Variants in ROBO2 observed in about 807,000 individuals in gnomAD.
ROBO2 encodes the protein roundabout guidance receptor 2.
ROBO2 carries 53 observed loss-of-function variants against 160.8 expected under a neutral mutation model. That is an observed-to-expected ratio of 0.33 (90% CI 0.26 to 0.41). ROBO2 has a LOEUF of 0.41. Ranked by LOEUF, ROBO2 falls within the 10% of genes least tolerant of loss-of-function variation. The pLI is 1.00. For missense variants in ROBO2, 1,577 were observed against 1,722.4 expected (o/e 0.92, Z 1.49); for synonymous variants, 664 against 611.7 (o/e 1.09, Z -1.26).
intron 2 of ROBO2, among the ~76,000 whole-genome samples, chr3:77,296,526 G>C (rs367983856): frequency 1.3e-5 from 2 of 152,076 alleles, no homozygotes; most frequent in East Asian, 3.9e-4. Flanking sequence ...TTTTGCTTCT[G>C]TTCTCTTTTT....
At chr3:76,304,912 G>C (rs533413898) in intron 2 of ROBO2, among the ~76,000 whole-genome samples, 2 of 151,536 alleles carry the variant, frequency 1.3e-5, no homozygotes, top group East Asian at 2.0e-4. Flanking sequence ...GCACTCAAGC[G>C]GGGTAAATCC....
At chr3:76,033,719 G>T (rs1288410906) in intron 2 of ROBO2, among the ~76,000 whole-genome samples, 1 of 152,166 alleles carries the variant, frequency 6.6e-6, no homozygotes, top group Non-Finnish European at 1.5e-5. Flanking sequence ...TGATTGAATG[G>T]TTTTGGCTGG....
At chr3:76,917,466 A>C (rs189209245) in intron 2 of ROBO2, among the ~76,000 whole-genome samples, 2 of 152,338 alleles carry the variant, frequency 1.3e-5, no homozygotes, top group Admixed American at 1.3e-4. Flanking sequence ...TAGGAAACCC[A>C]AGAAAACTAT....
intron 2 of ROBO2, among the ~76,000 whole-genome samples, chr3:77,129,760 G>A (rs929247963): frequency 1.3e-5 from 2 of 152,106 alleles, no homozygotes; most frequent in South Asian, 4.1e-4. Context: ...CTTCCCAGTT[G>A]TAATGGTTTT....
chr3:76,849,784 A>G (rs1577030062), intron 2 of ROBO2, among the ~76,000 whole-genome samples: 1 of 152,238 alleles, frequency 6.6e-6, no homozygotes, highest in East Asian at 1.9e-4. Context: ...GCAGTATAAT[A>G]CAAAAATATT....
chr3:77,298,781 G>T (rs17015147), intron 2 of ROBO2, among the ~76,000 whole-genome samples: 3 of 152,220 alleles, frequency 2.0e-5, no homozygotes, highest in African/African-American at 7.2e-5. Flanking sequence ...TGTGCCTCCT[G>T]TGTGCATGGG....
At chr3:76,649,123 C>T (rs1039133316) in intron 2 of ROBO2, among the ~76,000 whole-genome samples, 6 of 151,988 alleles carry the variant, frequency 3.9e-5, no homozygotes, top group African/African-American at 1.4e-4. Context: ...TTTTTTTAAT[C>T]AGAAAATAAC....
intron 2 of ROBO2, among the ~76,000 whole-genome samples, chr3:77,151,517 A>G (rs1327827349): frequency 6.6e-6 from 1 of 152,024 alleles, no homozygotes; most frequent in East Asian, 1.9e-4. Flanking sequence ...TGCTTTGTGA[A>G]TCTTCTCTTT....
chr3:77,050,476 TTC>T (rs2065106523), intron 1 of ROBO2, among the ~76,000 whole-genome samples: 1 of 152,084 alleles, frequency 6.6e-6, no homozygotes, highest in African/African-American at 2.4e-5. Flanking sequence ...AAAATGCCAT[TTC>T]TGTTTCTTTA....
chr3:77,222,538 T>G (rs2085962338), intron 2 of ROBO2, among the ~76,000 whole-genome samples: 1 of 152,168 alleles, frequency 6.6e-6, no homozygotes, highest in African/African-American at 2.4e-5. Flanking sequence ...TAAGAGTGAA[T>G]TGGTTTGCAA....
At chr3:77,467,992 C>T (rs1213757299) in intron 2 of ROBO2, among the ~76,000 whole-genome samples, 1 of 152,162 alleles carries the variant, frequency 6.6e-6, no homozygotes, top group African/African-American at 2.4e-5. Flanking sequence ...TTAATACTAG[C>T]ATTTCTAGAA....
chr3:76,457,993 G>T (rs892276720), intron 2 of ROBO2, among the ~76,000 whole-genome samples: 1 of 152,124 alleles, frequency 6.6e-6, no homozygotes, highest in Non-Finnish European at 1.5e-5. Flanking sequence ...CTCCGGGCCT[G>T]TGATGGGAGG....
At chr3:76,960,262 G>A (rs1372304624) in intron 2 of ROBO2, among the ~76,000 whole-genome samples, 1 of 152,010 alleles carries the variant, frequency 6.6e-6, no homozygotes, top group Non-Finnish European at 1.5e-5. Context: ...GACAAGACAA[G>A]AATTGACAAC....
intron 2 of ROBO2, among the ~76,000 whole-genome samples, chr3:77,211,049 A>ATG (rs2084078243): frequency 6.6e-6 from 1 of 152,036 alleles, no homozygotes; most frequent in South Asian, 2.1e-4. Flanking sequence ...CAATAAACAT[A>ATG]TGTGTGTGTG....
At chr3:76,431,739 A>G (rs543185010) in intron 2 of ROBO2, among the ~76,000 whole-genome samples, 1 of 152,252 alleles carries the variant, frequency 6.6e-6, no homozygotes, top group Non-Finnish European at 1.5e-5. Flanking sequence ...GGAGGGTGTT[A>G]TGTTATGCTA....
At chr3:76,246,922 T>C (rs994416828) in intron 2 of ROBO2, among the ~76,000 whole-genome samples, 1 of 152,142 alleles carries the variant, frequency 6.6e-6, no homozygotes, top group African/African-American at 2.4e-5. Context: ...TTGATGACCC[T>C]GGAAATTCTT....
chr3:77,198,961 A>C (rs934719923), intron 2 of ROBO2, among the ~76,000 whole-genome samples: 1 of 152,182 alleles, frequency 6.6e-6, no homozygotes, highest in Non-Finnish European at 1.5e-5. Context: ...TTTTGTAAAA[A>C]TATGCTCTAT....
chr3:77,003,942 C>T (rs1035293798), intron 2 of ROBO2, among the ~76,000 whole-genome samples: 2 of 152,082 alleles, frequency 1.3e-5, no homozygotes, highest in East Asian at 3.9e-4. Context: ...TAGTTGGATG[C>T]TCTAATAGAG....
intron 2 of ROBO2, among the ~76,000 whole-genome samples, chr3:77,005,946 A>G (rs1035154735): frequency 1.3e-5 from 2 of 152,200 alleles, no homozygotes; most frequent in Non-Finnish European, 2.9e-5. Context: ...TTATTAGACT[A>G]AGTGCTTTCT....
Sources: gnomAD v4.1 joint callset for allele counts (sites outside exome capture counted in the v4.1 genomes callset) on GRCh38, gnomAD v4.1.1 for gene constraint, MANE v1.5 for transcripts, NCBI Gene and HGNC (gene_info 2026-07-23, HGNC 2026-07-21) for gene names.